The following CEP57L1 variants were observed in gnomAD, a reference collection of about 807,000 sequenced individuals.
The protein encoded by CEP57L1 is centrosomal protein 57 like 1, also known as centrosomal protein CEP57L1.
A neutral mutation model predicts 61.0 loss-of-function variants in CEP57L1; 37 were observed. The observed-to-expected ratio is 0.61, with a 90% CI of 0.47 to 0.80. The LOEUF (loss-of-function observed/expected upper bound fraction) is 0.80. Ranked by LOEUF, CEP57L1 falls within the 30% of genes least tolerant of loss-of-function variation. The probability of loss-of-function intolerance (pLI) is 0.00; values close to 1 mark genes in which losing one functional copy is unlikely to be tolerated. For missense variants in CEP57L1, 422 were observed against 524.7 expected (o/e 0.80, Z 1.91); for synonymous variants, 137 against 162.3 (o/e 0.84, Z 1.19).
At chr6:109,125,944 T>C (rs1369883690) in intron 1 of CEP57L1, among the ~76,000 whole-genome samples, 2 of 152,158 alleles carry the variant, frequency 1.3e-5, no homozygotes, top group African/African-American at 4.8e-5. Context: ...AATTAAAACC[T>C]GTATGTAAAA....
At chr6:109,095,184 G>A, upstream of CEP57L1, 2 of 985,576 alleles carry the variant, frequency 2.0e-6, no homozygotes, top group African/African-American at 1.7e-5. Flanking sequence ...GAGGCGCTAA[G>A]CTTGCGCCCT....
intron 1 of CEP57L1, among the ~76,000 whole-genome samples, chr6:109,110,908 A>G (rs551871411): frequency 1.3e-5 from 2 of 152,226 alleles, no homozygotes; most frequent in Non-Finnish European, 2.9e-5. Context: ...TACCAGTACC[A>G]TGCTGTTTTT....
rs1361483701 is a variant in CEP57L1 at position 109,167,970 on chromosome 6, A to T, written c.*5000A>T. Among the ~76,000 whole-genome samples, 1 of 152,256 alleles carries T rather than the reference A, an allele frequency of 6.6e-6. No individual in the cohort carries two copies. Among genetic ancestry groups the T allele is most frequent in the East Asian group, 1.9e-4 (1 of 5,204 alleles). ...ATAGTCTTGAGGAGAGATAAGATGT[A>T]TATATATTTAAAAGGAAGAAAACAG... On this transcript the variant is annotated 3_prime_UTR_variant, in exon 11 of 11. Transcript: ENST00000517392.
At chr6:109,159,598 C>T (rs953247485) in intron 9 of CEP57L1, 136 bp downstream of exon 9, 20 of 688,270 alleles carry the variant, frequency 2.9e-5, no homozygotes, top group Non-Finnish European at 4.2e-5. Context: ...CATGAGCCAC[C>T]GTGCCTGGCC....
At chr6:109,115,038 C>G (rs1772116864) in intron 1 of CEP57L1, among the ~76,000 whole-genome samples, 2 of 151,830 alleles carry the variant, frequency 1.3e-5, no homozygotes, top group South Asian at 4.2e-4. Context: ...TTTGTTAAAG[C>G]AACTAAATTA....
chr6:109,097,999 A>G (rs895355081), intron 1 of CEP57L1, among the ~76,000 whole-genome samples: 3 of 152,238 alleles, frequency 2.0e-5, no homozygotes, highest in African/African-American at 7.2e-5. Flanking sequence ...GTCACAGAGA[A>G]AGGAAGTAAT....
intron 1 of CEP57L1, among the ~76,000 whole-genome samples, chr6:109,124,432 T>C (rs766717431): frequency 2.6e-5 from 4 of 152,186 alleles, no homozygotes; most frequent in Non-Finnish European, 5.9e-5. Flanking sequence ...AGCAATATAG[T>C]GTGGTGATTT....
At chr6:109,102,764 T>G (rs1034028809) in intron 1 of CEP57L1, among the ~76,000 whole-genome samples, 9 of 152,302 alleles carry the variant, frequency 5.9e-5, no homozygotes, top group African/African-American at 1.9e-4. Flanking sequence ...GTGAAAAACT[T>G]TTTTTTAAAG....
chr6:109,131,489 T>G (rs1774198498), intron 1 of CEP57L1, among the ~76,000 whole-genome samples: 1 of 152,078 alleles, frequency 6.6e-6, no homozygotes, highest in Non-Finnish European at 1.5e-5. Flanking sequence ...TGGAAAGATA[T>G]AAACTCCTTT....
Position 109,173,087 on chromosome 6 carries a change from G to GT in CEP57L1, c.*10125dup, listed in dbSNP as rs1374386699. Reference sequence around the variant, plus strand: ...TATTGCCTGGTAGGAAGGAGAACATGTTTTTTTTGAACCTATGCAAATAGC... The same window carrying GT: ...TATTGCCTGGTAGGAAGGAGAACATGTTTTTTTTTGAACCTATGCAAATAGC... On this transcript the variant is annotated 3_prime_UTR_variant, in exon 11 of 11. Coordinates refer to ENST00000517392, the MANE Select transcript of CEP57L1 (RefSeq NM_001271852.3). Among the ~76,000 whole-genome samples, 1 of 151,896 alleles carries GT rather than the reference G, an allele frequency of 6.6e-6. No individual in the cohort carries two copies. Among genetic ancestry groups the GT allele is most frequent in the African/African-American group, 2.4e-5 (1 of 41,350 alleles).
At chr6:109,145,645 C>T (rs1361567375) in intron 2 of CEP57L1, among the ~76,000 whole-genome samples, 1 of 151,760 alleles carries the variant, frequency 6.6e-6, no homozygotes, top group East Asian at 1.9e-4. Flanking sequence ...CAGGAAAATA[C>T]TCTTTGAAGA....
chr6:109,108,492 G>A (rs557252687), intron 1 of CEP57L1, among the ~76,000 whole-genome samples: 26 of 152,052 alleles, frequency 1.7e-4, no homozygotes, highest in African/African-American at 5.8e-4. Context: ...GATTACAGGC[G>A]TGTAATCCCA....
At position 109,171,865 on chromosome 6, in the gene CEP57L1, A is replaced by G. The variant is rs1381807718; in HGVS notation, c.*8895A>G. On this transcript the variant is annotated 3_prime_UTR_variant, in exon 11 of 11. Coordinates refer to ENST00000517392, the MANE Select transcript of CEP57L1 (RefSeq NM_001271852.3). ...AAGACCAGGGATATAGTTATTAGTA[A>G]TTTACAGGAAAGGCTCAAGGTTTCA... Among the ~76,000 whole-genome samples the G allele has an allele frequency of 6.6e-6, 1 of 152,166 alleles. No homozygotes were observed. The highest frequency in any genetic ancestry group is 1.5e-5 in the Non-Finnish European group (1 of 68,022).
Position 109,116,118 on chromosome 6 carries a change from TTATGTGTTGTG to T in CEP57L1, c.-4+20545_-4+20555del, listed in dbSNP as rs1562511873. Among the ~76,000 whole-genome samples the T allele has an allele frequency of 1.7e-3, 247 of 147,272 alleles. 2 individuals carry two copies. The highest frequency in any genetic ancestry group is 5.8e-3 in the African/African-American group (225 of 38,750). ...TTATTTTATTTTATTTTATTTTATG[TTATGTGTTGTG>T]TTATGTTATGTTATGTTATGTTATG... On this transcript the variant is annotated intron_variant, in intron 1 of 10. Transcript: ENST00000517392.
intron 5 of CEP57L1, 81 bp from the exon 6 acceptor site, chr6:109,155,132 TTAAGAATCAAGACCCCC>T: frequency 1.8e-6 from 1 of 561,624 alleles, no homozygotes; most frequent in Non-Finnish European, 3.0e-6. Context: ...TGCCAAACTC[TTAAGAATCAAGACCCCC>T]TAGGACTCTA....
rs1158967014 is a variant in CEP57L1, at chr6:109,168,554, T to C, written c.*5584T>C. ...TTCATAGTACATACAGTCATACCGG[T>C]GGATTGTCAAATCAATTTAGCGGGT... On this transcript the variant is annotated 3_prime_UTR_variant, in exon 11 of 11. Transcript: ENST00000517392. 6.6e-6 allele frequency among the ~76,000 whole-genome samples: 1 copy of C among 151,324 alleles called. No homozygotes were observed. Among genetic ancestry groups the C allele is most frequent in the East Asian group, 1.9e-4 (1 of 5,152 alleles).
At chr6:109,098,393 C>T (rs769149494) in intron 1 of CEP57L1, among the ~76,000 whole-genome samples, 3 of 151,990 alleles carry the variant, frequency 2.0e-5, no homozygotes, top group Admixed American at 6.6e-5. Context: ...GTGATCCACC[C>T]ACCTCAGCCT....
intron 10 of CEP57L1, among the ~76,000 whole-genome samples, chr6:109,161,214 A>T (rs890807015): frequency 6.6e-6 from 1 of 152,192 alleles, no homozygotes; most frequent in African/African-American, 2.4e-5. Context: ...TCAGCTAGCT[A>T]TAGTGAGTAG....
rs1323464151 is a variant in CEP57L1, at chr6:109,169,751, C to G, written c.*6781C>G. Among the ~76,000 whole-genome samples the G allele has an allele frequency of 2.0e-5, 3 of 152,092 alleles. No individual in the cohort carries two copies. The highest frequency in any genetic ancestry group is 7.2e-5 in the African/African-American group (3 of 41,406). On this transcript the variant is annotated 3_prime_UTR_variant, in exon 11 of 11. Coordinates refer to ENST00000517392, the MANE Select transcript of CEP57L1 (RefSeq NM_001271852.3). ...TAGGTGCTTCAGACAGTTTTACAAC[C>G]AATAAGAATGTGAGATTTGTCGGAG...
Sources: allele counts gnomAD v4.1 joint callset (sites outside exome capture counted in the v4.1 genomes callset), GRCh38; gene constraint gnomAD v4.1.1; transcripts MANE v1.5; gene names NCBI Gene and HGNC (gene_info 2026-07-23, HGNC 2026-07-21).